The following CDK14 variants were observed in gnomAD, a reference collection of about 807,000 sequenced individuals.
CDK14 encodes the protein cyclin dependent kinase 14, also known as cyclin-dependent kinase 14.
In CDK14, 34 loss-of-function variants were observed where a neutral mutation model predicts 60.7. The observed-to-expected ratio is 0.56, with a 90% CI of 0.43 to 0.75. CDK14 has a LOEUF of 0.75. Among genes scored for constraint, CDK14 ranks in the 30% least tolerant of loss-of-function variants. The pLI is 0.00. For missense variants in CDK14, 482 were observed against 564.1 expected, an observed-to-expected ratio of 0.85 and a Z score of 1.47; for synonymous variants, 197 against 203.7, an observed-to-expected ratio of 0.97 and a Z score of 0.28.
chr7:90,727,894 G>T (rs950845691), intron 3 of CDK14, among the ~76,000 whole-genome samples: 1 of 151,822 alleles, frequency 6.6e-6, no homozygotes, highest in Non-Finnish European at 1.5e-5. Flanking sequence ...CCATTCTCTG[G>T]GTTACATGTC....
At chr7:90,652,533 T>C (rs1800665834) in intron 2 of CDK14, among the ~76,000 whole-genome samples, 1 of 152,230 alleles carries the variant, frequency 6.6e-6, no homozygotes, top group African/African-American at 2.4e-5. Context: ...GACTCAGCTC[T>C]TGCCTGCCTT....
chr7:90,872,988 A>G (rs183290955), intron 6 of CDK14, among the ~76,000 whole-genome samples: 2 of 152,214 alleles, frequency 1.3e-5, no homozygotes, highest in African/African-American at 2.4e-5. Flanking sequence ...CAGAAAAGAT[A>G]AAACAGTAAT....
At chr7:90,839,765 T>C (rs1790228462) in intron 5 of CDK14, among the ~76,000 whole-genome samples, 1 of 152,138 alleles carries the variant, frequency 6.6e-6, no homozygotes, top group Admixed American at 6.5e-5. Context: ...GATAGTAGGG[T>C]TTTATGCATT....
At chr7:90,727,473 C>G (rs1262544877) in intron 3 of CDK14, among the ~76,000 whole-genome samples, 2 of 152,102 alleles carry the variant, frequency 1.3e-5, no homozygotes, top group Non-Finnish European at 2.9e-5. Context: ...AGAGAATATT[C>G]TCTGTTATAT....
chr7:91,112,853 GGAGA>G (rs56973703), intron 13 of CDK14, among the ~76,000 whole-genome samples, 172 bp downstream of exon 13: 61 of 148,520 alleles, frequency 4.1e-4, no homozygotes, highest in African/African-American at 7.6e-4. Flanking sequence ...GTGTATGTGT[GGAGA>G]GAGAGAGAGA....
intron 14 of CDK14, among the ~76,000 whole-genome samples, chr7:91,169,127 A>G (rs1311147628): frequency 1.3e-5 from 2 of 152,244 alleles, no homozygotes; most frequent in Admixed American, 6.5e-5. Context: ...TGCTACACAC[A>G]TGTCCACTTT....
intron 4 of CDK14, among the ~76,000 whole-genome samples, chr7:90,778,151 A>G (rs1473922163): frequency 6.6e-6 from 1 of 152,192 alleles, no homozygotes; most frequent in African/African-American, 2.4e-5. Context: ...TGCTTCCTTT[A>G]TGTCTCCAGT....
chr7:90,892,343 A>G (rs1792161918), intron 6 of CDK14, among the ~76,000 whole-genome samples: 1 of 152,192 alleles, frequency 6.6e-6, no homozygotes, highest in South Asian at 2.1e-4. Flanking sequence ...TACGTAATTA[A>G]TCTTTCTAGT....
chr7:90,616,396 C>A (rs945336618), intron 2 of CDK14, among the ~76,000 whole-genome samples: 1 of 152,188 alleles, frequency 6.6e-6, no homozygotes, highest in Admixed American at 6.5e-5. Flanking sequence ...TATTTTAAAT[C>A]TTCAGCTATA....
At chr7:90,804,940 T>C (rs1401278169) in intron 5 of CDK14, among the ~76,000 whole-genome samples, 1 of 152,158 alleles carries the variant, frequency 6.6e-6, no homozygotes, top group Non-Finnish European at 1.5e-5. Context: ...TAAAAAACGC[T>C]ATCTTGTTTG....
chr7:90,672,730 A>G (rs1453509736), intron 2 of CDK14, among the ~76,000 whole-genome samples: 1 of 151,476 alleles, frequency 6.6e-6, no homozygotes, highest in Non-Finnish European at 1.5e-5. Flanking sequence ...CACTATGTTC[A>G]CCAGGTTGGC....
chr7:91,123,321 T>A (rs1198509418), intron 14 of CDK14, among the ~76,000 whole-genome samples: 2 of 151,844 alleles, frequency 1.3e-5, no homozygotes. Flanking sequence ...ATCCTACAAT[T>A]TTTTTTTCCT....
chr7:90,901,851 A>T (rs547960493), intron 7 of CDK14, among the ~76,000 whole-genome samples: 3 of 152,182 alleles, frequency 2.0e-5, no homozygotes, highest in Non-Finnish European at 2.9e-5. Context: ...AAGTAATCTT[A>T]TGTATAGAAA....
In CDK14 at chr7:90,803,921, T is replaced by G. The variant is rs532419406; in HGVS notation, c.544+13269T>G. Among the ~76,000 whole-genome samples, 6 of 152,308 alleles carry G rather than the reference T, an allele frequency of 3.9e-5. No individual in the cohort carries two copies. In the South Asian group the frequency reaches 8.3e-4, roughly 21 times the overall value. ...CATACAAATAATTAAGTGGTAGATA[T>G]GGAGTTCACCTTGAATATTCTAACC... On this transcript the variant is annotated intron_variant, in intron 5 of 14. Transcript: ENST00000380050.
At chr7:91,091,431 A>T (rs1303017810) in intron 12 of CDK14, among the ~76,000 whole-genome samples, 1 of 142,414 alleles carries the variant, frequency 7.0e-6, no homozygotes, top group Non-Finnish European at 1.5e-5. Context: ...TACATATATA[A>T]TTTATATACA....
chr7:91,103,844 A>AAGAGAG (rs35892260), intron 12 of CDK14, among the ~76,000 whole-genome samples: 19 of 144,814 alleles, frequency 1.3e-4, no homozygotes, highest in South Asian at 2.2e-4. Context: ...GAGAGAGAGA[A>AAGAGAG]AGAGAGAGAG....
At chr7:90,894,116 T>C (rs1792222955) in intron 6 of CDK14, among the ~76,000 whole-genome samples, 1 of 152,190 alleles carries the variant, frequency 6.6e-6, no homozygotes, top group Admixed American at 6.5e-5. Flanking sequence ...GTCATCATCA[T>C]CATCATGAAT....
chr7:90,638,369 T>G (rs1038253955), intron 2 of CDK14, among the ~76,000 whole-genome samples: 3 of 152,222 alleles, frequency 2.0e-5, no homozygotes, highest in African/African-American at 7.2e-5. Flanking sequence ...GTAAAGTATT[T>G]TATTTCTTCT....
intron 4 of CDK14, among the ~76,000 whole-genome samples, chr7:90,785,284 A>G (rs1407786358): frequency 6.6e-6 from 1 of 152,220 alleles, no homozygotes; most frequent in Admixed American, 6.5e-5. Flanking sequence ...CACAGATAAT[A>G]TTTGTAATTT....
Sources: gnomAD v4.1 joint callset for allele counts (sites outside exome capture counted in the v4.1 genomes callset) on GRCh38, gnomAD v4.1.1 for gene constraint, MANE v1.5 for transcripts, NCBI Gene and HGNC (gene_info 2026-07-23, HGNC 2026-07-21) for gene names.